DCDC1: variants seen among roughly 807,000 people sequenced by gnomAD.
DCDC1 encodes the protein doublecortin domain containing 1.
Under a neutral mutation model 178.3 loss-of-function variants are expected in DCDC1, and 200 were observed. The ratio of observed to expected loss-of-function variants is 1.12; its 90% CI spans 1.00 to 1.26. DCDC1 has a LOEUF of 1.26. Ranked by LOEUF, DCDC1 falls within the 50% of genes most tolerant of loss-of-function variation. DCDC1 has a pLI of 0.00. For missense variants in DCDC1, 1,983 were observed against 1,749.2 expected, an observed-to-expected ratio of 1.13 and a Z score of -2.38; for synonymous variants, 690 against 604.8, an observed-to-expected ratio of 1.14 and a Z score of -2.07.
chr11:31,359,613 T>C (rs1177738770), intron 1 of DCDC1, among the ~76,000 whole-genome samples: 1 of 152,092 alleles, frequency 6.6e-6, no homozygotes, highest in Non-Finnish European at 1.5e-5. Flanking sequence ...AATGTCCCTG[T>C]AGCTTCAGGA....
At chr11:31,147,973 G>C (rs1964634204) in intron 9 of DCDC1, among the ~76,000 whole-genome samples, 2 of 152,108 alleles carry the variant, frequency 1.3e-5, no homozygotes, top group African/African-American at 4.8e-5. Flanking sequence ...GCCTGGCTGG[G>C]GTCAGGGGCC....
At chr11:30,979,817 C>T (rs141445430) in intron 20 of DCDC1, among the ~76,000 whole-genome samples, 1 of 152,048 alleles carries the variant, frequency 6.6e-6, no homozygotes, top group South Asian at 2.1e-4. Context: ...AGAAGTCACC[C>T]AATAAATATT....
intron 9 of DCDC1, among the ~76,000 whole-genome samples, chr11:31,216,681 C>G (rs1417860237): frequency 6.6e-6 from 1 of 152,186 alleles, no homozygotes; most frequent in Non-Finnish European, 1.5e-5. Flanking sequence ...CTCCAGCCAT[C>G]CCAATGCTTA....
chr11:31,287,551 T>C (rs1946924156), intron 7 of DCDC1, among the ~76,000 whole-genome samples: 1 of 151,934 alleles, frequency 6.6e-6, no homozygotes, highest in East Asian at 1.9e-4. Flanking sequence ...AATAAAGAGA[T>C]GGTTCTAAAT....
intron 20 of DCDC1, among the ~76,000 whole-genome samples, chr11:31,048,970 T>C (rs1230282069): frequency 1.3e-5 from 2 of 152,250 alleles, no homozygotes; most frequent in Non-Finnish European, 2.9e-5. Context: ...CAAACTTCTT[T>C]ATTGTTTAGA....
chr11:30,897,582 CAAAAA>C (rs35815662), intron 34 of DCDC1, among the ~76,000 whole-genome samples: 6 of 72,930 alleles, frequency 8.2e-5, no homozygotes, highest in Non-Finnish European at 1.5e-4. Context: ...GACTCCGTCT[CAAAAA>C]AAAAAAAAAA....
At chr11:31,022,325 G>A (rs760087973) in intron 20 of DCDC1, among the ~76,000 whole-genome samples, 6 of 152,100 alleles carry the variant, frequency 3.9e-5, no homozygotes, top group Admixed American at 6.6e-5. Context: ...TTGACAGATA[G>A]TATGTTCCCT....
intron 38 of DCDC1, among the ~76,000 whole-genome samples, chr11:30,876,427 A>C (rs1942124465): frequency 6.6e-6 from 1 of 152,186 alleles, no homozygotes; most frequent in Non-Finnish European, 1.5e-5. Flanking sequence ...TTTTTAGTCT[A>C]AGCTAAAAGT....
At chr11:31,067,865 GCAGA>G (rs1956338901) in intron 18 of DCDC1, among the ~76,000 whole-genome samples, 1 of 152,140 alleles carries the variant, frequency 6.6e-6, no homozygotes, top group African/African-American at 2.4e-5. Context: ...GGGGAGGCGG[GCAGA>G]CAGAGGCAGA....
chr11:31,302,983 A>G (rs566050442), intron 6 of DCDC1, among the ~76,000 whole-genome samples: 1 of 152,336 alleles, frequency 6.6e-6, no homozygotes, highest in South Asian at 2.1e-4. Flanking sequence ...TATGTTGTAA[A>G]ATAGTATTCT....
intron 18 of DCDC1, among the ~76,000 whole-genome samples, chr11:31,066,327 G>A (rs1956247657): frequency 6.6e-6 from 1 of 152,058 alleles, no homozygotes; most frequent in African/African-American, 2.4e-5. Flanking sequence ...CTATTATTGT[G>A]CTCATTTTAA....
At chr11:31,269,911 T>G (rs1945437003) in intron 7 of DCDC1, among the ~76,000 whole-genome samples, 1 of 152,230 alleles carries the variant, frequency 6.6e-6, no homozygotes, top group Admixed American at 6.5e-5. Context: ...GGGTTGCCAC[T>G]ACTTCAGTTC....
chr11:31,247,392 C>T (rs929263149), intron 8 of DCDC1, among the ~76,000 whole-genome samples: 9 of 151,724 alleles, frequency 5.9e-5, no homozygotes, highest in Admixed American at 1.3e-4. Flanking sequence ...CTTTGGTTCA[C>T]GGCTTGTGAT....
At chr11:30,986,743 T>C (rs1950670623) in intron 20 of DCDC1, among the ~76,000 whole-genome samples, 1 of 152,256 alleles carries the variant, frequency 6.6e-6, no homozygotes, top group Admixed American at 6.5e-5. Context: ...AAAGAAAGAA[T>C]GAAAATTTGT....
intron 2 of DCDC1, among the ~76,000 whole-genome samples, chr11:31,331,198 A>C (rs1333102043): frequency 1.3e-5 from 2 of 152,164 alleles, no homozygotes; most frequent in African/African-American, 2.4e-5. Context: ...TTATTGGTGT[A>C]TAAAAATGCT....
intron 9 of DCDC1, among the ~76,000 whole-genome samples, chr11:31,215,462 C>T (rs1468219021): frequency 6.6e-6 from 1 of 152,022 alleles, no homozygotes; most frequent in Admixed American, 6.6e-5. Flanking sequence ...CTTTTGTTAG[C>T]CACCACTTAA....
chr11:30,993,444 T>A (rs1024465655), intron 20 of DCDC1, among the ~76,000 whole-genome samples: 2 of 151,662 alleles, frequency 1.3e-5, no homozygotes, highest in Non-Finnish European at 2.9e-5. Context: ...AAATTAAGCA[T>A]CAAGCAAGCA....
intron 17 of DCDC1, among the ~76,000 whole-genome samples, chr11:31,090,292 C>A (rs12288016): frequency 0.015 from 2,290 of 152,288 alleles, 48 homozygotes; most frequent in African/African-American, 0.052. Context: ...CGCTCACTGG[C>A]AATTGTCTGA....
At chr11:30,956,775 G>C (rs1948796550) in intron 20 of DCDC1, among the ~76,000 whole-genome samples, 1 of 152,122 alleles carries the variant, frequency 6.6e-6, no homozygotes, top group Non-Finnish European at 1.5e-5. Context: ...GAGAGAGCAT[G>C]AGATCGGGTA....
Sources: allele counts gnomAD v4.1 joint callset (sites outside exome capture counted in the v4.1 genomes callset), GRCh38; gene constraint gnomAD v4.1.1; transcripts MANE v1.5; gene names NCBI Gene and HGNC (gene_info 2026-07-23, HGNC 2026-07-21).